Variants in CYRIB observed in about 807,000 individuals in gnomAD.
CYRIB encodes the protein CYFIP related Rac1 interactor B.
A neutral mutation model predicts 44.2 loss-of-function variants in CYRIB; 8 were observed. That is an observed-to-expected ratio of 0.18 (90% CI 0.11 to 0.33). CYRIB has a LOEUF of 0.33. CYRIB is among the 10% of genes least tolerant of loss of function. The pLI is 1.00. For missense variants in CYRIB, 185 were observed against 382.8 expected, an observed-to-expected ratio of 0.48 and a Z score of 4.31; for synonymous variants, 131 against 127.2, an observed-to-expected ratio of 1.03 and a Z score of -0.20.
intron 1 of CYRIB, among the ~76,000 whole-genome samples, chr8:129,997,119 A>AAGGAGGAGGAGGAGGAGGAGG (rs138647640): frequency 1.1e-5 from 1 of 89,926 alleles, no homozygotes; most frequent in African/African-American, 1.0e-4. Context: ...GGAAGGAAGG[A>AAGGAGGAGGAGGAGGAGGAGG]AGGAGGAGGA....
chr8:129,891,780 A>T (rs1395410693), intron 2 of CYRIB, among the ~76,000 whole-genome samples: 2 of 152,200 alleles, frequency 1.3e-5, no homozygotes, highest in African/African-American at 4.8e-5. Flanking sequence ...TCTGGCTATT[A>T]TTCTACATCC....
chr8:129,961,002 T>G (rs551405679), intron 2 of CYRIB, among the ~76,000 whole-genome samples: 3 of 148,980 alleles, frequency 2.0e-5, no homozygotes, highest in Admixed American at 6.7e-5. Flanking sequence ...AACTTACCAA[T>G]CACCTCACAT....
intron 3 of CYRIB, among the ~76,000 whole-genome samples, chr8:129,872,163 G>A (rs957279397): frequency 2.6e-5 from 4 of 152,072 alleles, no homozygotes; most frequent in Non-Finnish European, 5.9e-5. Context: ...CAAGAATCCT[G>A]TGCAGAGGAT....
chr8:129,841,220 A>G (rs1283126911), exon 12 of CYRIB: 4 of 152,210 alleles, frequency 2.6e-5, no homozygotes, highest in Non-Finnish European at 2.9e-5. Context: ...TTCCATTACT[A>G]CATCCATACA....
chr8:129,852,972 G>A (rs998617442), intron 7 of CYRIB, among the ~76,000 whole-genome samples: 3 of 152,244 alleles, frequency 2.0e-5, no homozygotes, highest in East Asian at 1.9e-4. Context: ...ACTGATAATC[G>A]TGGGCAGATT....
chr8:129,917,322 A>C (rs2136780122), intron 1 of CYRIB, among the ~76,000 whole-genome samples: 1 of 152,194 alleles, frequency 6.6e-6, no homozygotes, highest in South Asian at 2.1e-4. Flanking sequence ...TACTCACACA[A>C]CCACTGAACT....
At chr8:129,931,582 T>C (rs565790131) in intron 1 of CYRIB, among the ~76,000 whole-genome samples, 8 of 152,302 alleles carry the variant, frequency 5.3e-5, no homozygotes, top group Non-Finnish European at 1.0e-4. Context: ...GATTAAAAAA[T>C]GAACAGCACC....
chr8:130,006,630 A>ACATATATATG, intron 1 of CYRIB, among the ~76,000 whole-genome samples: 1 of 55,062 alleles, frequency 1.8e-5, no homozygotes, highest in South Asian at 4.2e-4. Flanking sequence ...ATATATATAC[A>ACATATATATG]TATATATGTG....
In CYRIB at chr8:129,916,336, T is replaced by C. The variant is rs535751289; in HGVS notation, c.-49-12986A>G. ...TAGTTCTCTCCCCACTTTATTTCTA[T>C]CACACAAATACCTGAGTACCTAATA... On this transcript the variant is annotated intron_variant, in intron 1 of 11. Coordinates refer to ENST00000519824, the Ensembl canonical transcript of CYRIB. Among the ~76,000 whole-genome samples, 4 of 152,176 alleles carry C rather than the reference T, an allele frequency of 2.6e-5. No individual in the cohort carries two copies. The South Asian group carries it at 8.3e-4, about 32-fold the overall frequency.
At chr8:129,987,368 C>T (rs2096493104) in intron 1 of CYRIB, among the ~76,000 whole-genome samples, 2 of 152,072 alleles carry the variant, frequency 1.3e-5, no homozygotes, top group South Asian at 2.1e-4. Context: ...CTGCTGGTTG[C>T]TACTAGGTCC....
chr8:129,941,225 A>G (rs1389074419), upstream of CYRIB, among the ~76,000 whole-genome samples: 1 of 150,400 alleles, frequency 6.6e-6, no homozygotes, highest in African/African-American at 2.4e-5. Context: ...CAGGGATTCT[A>G]TATTGTAGCT....
intron 5 of CYRIB, 107 bp from the exon 8 acceptor site, chr8:129,855,854 T>G: frequency 9.6e-7 from 1 of 1,041,246 alleles, no homozygotes; most frequent in Non-Finnish European, 1.4e-6. Context: ...AAGTTCTCTT[T>G]AAAAAACAGA....
At chr8:129,936,767 C>T (rs919263001) in intron 1 of CYRIB, among the ~76,000 whole-genome samples, 1 of 140,566 alleles carries the variant, frequency 7.1e-6, no homozygotes, top group Non-Finnish European at 1.5e-5. Context: ...AGTGCAGTGG[C>T]GAGATCTTGG....
rs547385552 is a variant in CYRIB at position 129,865,807 on chromosome 8, AACT to A, written c.196-3476_196-3474del. Reference sequence around the variant, plus strand: ...TGAATTATTAACCTTAACTTTTACAAACTACTAATCAATGCTAGGATGGGAAGC... The same window carrying A: ...TGAATTATTAACCTTAACTTTTACAAACTAATCAATGCTAGGATGGGAAGC... On this transcript the variant is annotated intron_variant, in intron 4 of 11. Coordinates refer to ENST00000519824, the Ensembl canonical transcript of CYRIB. 3.5e-3 allele frequency among the ~76,000 whole-genome samples: 535 copies of A among 152,350 alleles called. 5 individuals carry two copies. Among genetic ancestry groups the A allele is most frequent in the Admixed American group, 6.5e-3 (99 of 15,300 alleles).
chr8:129,847,104 C>T (rs1033080513), intron 10 of CYRIB: 3 of 385,014 alleles, frequency 7.8e-6, no homozygotes, highest in Admixed American at 4.7e-5. Flanking sequence ...ATATACCACA[C>T]ATGCAATGAA....
intron 1 of CYRIB, among the ~76,000 whole-genome samples, chr8:130,012,716 G>C (rs2097254334): frequency 1.3e-5 from 2 of 152,156 alleles, no homozygotes; most frequent in South Asian, 4.1e-4. Flanking sequence ...GTGAACCCAG[G>C]CTGTAGGGCC....
At position 129,893,815 on chromosome 8, in the gene CYRIB, G is replaced by A. The variant is rs115322224; in HGVS notation, c.-11+9497C>T. ...CTTCAAGTGCTGAGATTATAGGCAT[G>A]AGCCATCACACTAGGCCTTTTTTTT... On this transcript the variant is annotated intron_variant, in intron 2 of 11. Coordinates refer to ENST00000519824, the Ensembl canonical transcript of CYRIB. Among the ~76,000 whole-genome samples the A allele has an allele frequency of 2.3e-3, 345 of 150,800 alleles. 1 individual carries two copies. Among genetic ancestry groups the A allele is most frequent in the African/African-American group, 8.1e-3 (333 of 41,158 alleles).
At chr8:129,913,364 C>A (rs1307383670) in intron 1 of CYRIB, among the ~76,000 whole-genome samples, 1 of 152,120 alleles carries the variant, frequency 6.6e-6, no homozygotes, top group Non-Finnish European at 1.5e-5. Flanking sequence ...AAAGCTTTTC[C>A]ATAATAATCA....
At chr8:129,876,365 G>A (rs1209475935) in intron 3 of CYRIB, among the ~76,000 whole-genome samples, 1 of 152,064 alleles carries the variant, frequency 6.6e-6, no homozygotes, top group Non-Finnish European at 1.5e-5. Flanking sequence ...GACTGACCCT[G>A]TCTCAAAAAC....
Sources: gnomAD v4.1 joint callset for allele counts (sites outside exome capture counted in the v4.1 genomes callset) on GRCh38, gnomAD v4.1.1 for gene constraint, MANE v1.5 for transcripts, NCBI Gene and HGNC (gene_info 2026-07-23, HGNC 2026-07-21) for gene names.